Variants in URM1 observed in about 807,000 individuals in gnomAD.
URM1 encodes the protein ubiquitin-related modifier 1.
URM1 carries 11 observed loss-of-function variants against 17.7 expected under a neutral mutation model. The ratio of observed to expected loss-of-function variants is 0.62; its 90% CI spans 0.39 to 1.03. The LOEUF (loss-of-function observed/expected upper bound fraction) is 1.03. URM1 is among the 50% of genes least tolerant of loss of function. The pLI is 0.00. For synonymous variants in URM1, 48 were observed against 50.6 expected (o/e 0.95, Z 0.22); for missense variants, 128 against 129.2 (o/e 0.99, Z 0.04).
At chr9:128,388,241 A>T in intron 3 of URM1, 1 of 1,133,808 alleles carries the variant, frequency 8.8e-7, no homozygotes, top group Non-Finnish European at 1.1e-6. Flanking sequence ...CGTAGCTAGT[A>T]CAACTGAAGA....
At chr9:128,389,610 G>A in intron 4 of URM1, 56 bp from the exon 5 acceptor site, 6 of 1,609,688 alleles carry the variant, frequency 3.7e-6, no homozygotes, top group South Asian at 1.1e-5. Context: ...CAACTCCTGG[G>A]GTGGACCTGG....
intron 2 of URM1, among the ~76,000 whole-genome samples, chr9:128,382,127 T>C (rs1833166948): frequency 6.6e-6 from 1 of 152,074 alleles, no homozygotes; most frequent in Non-Finnish European, 1.5e-5. Context: ...ATCCCCACTC[T>C]GGGAAGAAAG....
chr9:128,377,445 G>A (rs1313960151), intron 1 of URM1, among the ~76,000 whole-genome samples: 3 of 152,280 alleles, frequency 2.0e-5, no homozygotes, highest in South Asian at 2.1e-4. Context: ...GGCCAAGGTG[G>A]GCGGATCACC....
intron 1 of URM1, among the ~76,000 whole-genome samples, chr9:128,376,215 T>C (rs75097072): frequency 0.082 from 12,510 of 152,014 alleles, 720 homozygotes; most frequent in East Asian, 0.18. Context: ...AAAATAAAAT[T>C]AGGCAGGTGT....
chr9:128,377,934 C>G, intron 1 of URM1, 102 bp from the exon 2 acceptor site: 1 of 1,209,760 alleles, frequency 8.3e-7, no homozygotes. Context: ...CTGCTTCTCT[C>G]GGCCTTCATT....
chr9:128,389,103 T>A (rs997102528), intron 3 of URM1, 158 bp from the exon 4 acceptor site: 2 of 1,438,636 alleles, frequency 1.4e-6, no homozygotes, highest in African/African-American at 2.8e-5. Flanking sequence ...TCCTTCACAC[T>A]CAGACCAGCC....
At chr9:128,372,212 TG>T (rs1291236991) in intron 1 of URM1, among the ~76,000 whole-genome samples, 1 of 152,084 alleles carries the variant, frequency 6.6e-6, no homozygotes, top group Non-Finnish European at 1.5e-5. Flanking sequence ...AAACAGGCCT[TG>T]AAAGATGGGT....
At position 128,387,688 on chromosome 9, in the gene URM1, A is replaced by G. The variant is rs1833245773; in HGVS notation, c.107-128A>G. 7 of 1,478,316 alleles carry G rather than the reference A, an allele frequency of 4.7e-6. No homozygotes were observed. Among genetic ancestry groups the G allele is most frequent in the Non-Finnish European group, 6.4e-6 (7 of 1,090,830 alleles). The allele number at this position is 1,478,316 out of a possible 1,614,324, so 91.6% of individuals were successfully genotyped here. Reference sequence around the variant, plus strand: ...TTTGGAATCTACAAGTTCATGGGCTATCACAGCCTGGTCTAAAAGAAGCCC... The same window carrying G: ...TTTGGAATCTACAAGTTCATGGGCTGTCACAGCCTGGTCTAAAAGAAGCCC... On this transcript the variant is annotated intron_variant, in intron 2 of 4. Transcript: ENST00000372853. This position sits in a 1 kb window ranked among gnomAD's most constrained non-coding sequence, Gnocchi z 4.3.
rs764479153 is a variant in URM1 at position 128,387,528 on chromosome 9, C to T, written c.107-288C>T. ...AACCCTTTAGATGCGACAGTCCTCC[C>T]GCCGTCTGCCTTGAATCCCCCCACT... is the stretch of plus-strand genomic sequence containing the variant. On this transcript the variant is annotated intron_variant, in intron 2 of 4. Coordinates refer to ENST00000372853, the MANE Select transcript of URM1 (RefSeq NM_030914.4). This position sits in a 1 kb window ranked among gnomAD's most constrained non-coding sequence, Gnocchi z 4.3. 4.6e-5 allele frequency among the ~76,000 whole-genome samples: 7 copies of T among 152,162 alleles called. No homozygotes were observed. The highest frequency in any genetic ancestry group is 2.4e-5 in the African/African-American group (1 of 41,418).
intron 2 of URM1, among the ~76,000 whole-genome samples, chr9:128,380,146 T>C (rs1833140197): frequency 6.6e-6 from 1 of 151,856 alleles, no homozygotes; most frequent in Non-Finnish European, 1.5e-5. Flanking sequence ...AGAATATGTA[T>C]GGGGAGAAAA....
chr9:128,388,356 CTG>C (rs1425414181), intron 3 of URM1: 28 of 996,222 alleles, frequency 2.8e-5, no homozygotes, highest in Non-Finnish European at 3.3e-5. Context: ...GTCATTGACT[CTG>C]TGCGTGCACA....
intron 1 of URM1, among the ~76,000 whole-genome samples, chr9:128,373,914 G>C (rs776413475): frequency 2.0e-5 from 3 of 152,176 alleles, no homozygotes; most frequent in Non-Finnish European, 2.9e-5. Context: ...ATATATATAC[G>C]TGTATATGTA....
Position 128,387,048 on chromosome 9 carries a change from C to T in URM1, c.107-768C>T, listed in dbSNP as rs895519771. 6.6e-6 allele frequency among the ~76,000 whole-genome samples: 1 copy of T among 152,230 alleles called. No homozygotes were observed. Among genetic ancestry groups the T allele is most frequent in the Non-Finnish European group, 1.5e-5 (1 of 68,042 alleles). On this transcript the variant is annotated intron_variant, in intron 2 of 4. Coordinates refer to ENST00000372853, the MANE Select transcript of URM1 (RefSeq NM_030914.4). The surrounding 1 kb of genome is among the most constrained non-coding windows in gnomAD (Gnocchi z 4.3). ...CGATACTGCTGCCCCTAGGAAAGGA[C>T]AGGTGACCCTGAAGACAGGTGGCTC... is the stretch of plus-strand genomic sequence containing the variant.
chr9:128,385,814 G>C (rs540566623), intron 2 of URM1, among the ~76,000 whole-genome samples: 1 of 151,800 alleles, frequency 6.6e-6, no homozygotes, highest in Non-Finnish European at 1.5e-5. Flanking sequence ...GGAACAATAC[G>C]AGTGGCGATG....
chr9:128,382,824 TAAC>T lies in URM1; in HGVS notation c.106+4720_106+4722del, dbSNP rs575245275. On this transcript the variant is annotated intron_variant, in intron 2 of 4. Coordinates refer to ENST00000372853, the MANE Select transcript of URM1 (RefSeq NM_030914.4). ...AAGTTGTGTGAGAGAAGGGATGTCTTAACAGCCATCTCGCTGAAACGGCCATGC... is the reference window on the plus strand; with the variant it reads ...AAGTTGTGTGAGAGAAGGGATGTCTTAGCCATCTCGCTGAAACGGCCATGC... Among the ~76,000 whole-genome samples the T allele has an allele frequency of 5.8e-3, 881 of 152,296 alleles. 4 individuals carry two copies. The highest frequency in any genetic ancestry group is 8.9e-3 in the Non-Finnish European group (608 of 68,022).
At position 128,390,164 on chromosome 9, in the gene URM1, T is replaced by G; in HGVS notation, c.*430T>G. Reference sequence around the variant, plus strand: ...GAGTAGCTGAAGGAAGGCCCCTCCCTACCCAAAGACTGGAGGCTTCTCAGC... The same window carrying G: ...GAGTAGCTGAAGGAAGGCCCCTCCCGACCCAAAGACTGGAGGCTTCTCAGC... On this transcript the variant is annotated 3_prime_UTR_variant, in exon 5 of 5. Coordinates refer to ENST00000372853, the MANE Select transcript of URM1 (RefSeq NM_030914.4). The G allele has an allele frequency of 5.3e-6, 1 of 189,542 alleles. No homozygotes were observed. The allele number at this position is 189,542 out of a possible 1,614,324, so 11.7% of individuals were successfully genotyped here.
At chr9:128,378,245 A>G (rs1833104449) in intron 2 of URM1, 139 bp downstream of exon 2, 2 of 627,700 alleles carry the variant, frequency 3.2e-6, no homozygotes, top group Non-Finnish European at 2.7e-6. Flanking sequence ...GAATAAAAAC[A>G]AGAGTCTACA....
At chr9:128,372,068 A>G (rs1157984900) in intron 1 of URM1, among the ~76,000 whole-genome samples, 1 of 152,186 alleles carries the variant, frequency 6.6e-6, no homozygotes, top group African/African-American at 2.4e-5. Context: ...AGAGATTGGG[A>G]CACACACCAG....
At chr9:128,376,287 A>T (rs1283944208) in intron 1 of URM1, among the ~76,000 whole-genome samples, 1 of 152,060 alleles carries the variant, frequency 6.6e-6, no homozygotes, top group African/African-American at 2.4e-5. Flanking sequence ...GCTTGAACCC[A>T]GGAGGTTAAG....
Sources: allele counts gnomAD v4.1 joint callset (sites outside exome capture counted in the v4.1 genomes callset), GRCh38; gene constraint gnomAD v4.1.1; non-coding constraint Gnocchi (gnomAD v3.1); transcripts MANE v1.5; gene names NCBI Gene and HGNC (gene_info 2026-07-23, HGNC 2026-07-21).